Variants in LARP4B observed in about 807,000 individuals in gnomAD.
LARP4B encodes La ribonucleoprotein 4B.
LARP4B carries 12 observed loss-of-function variants against 89.8 expected under a neutral mutation model. The observed-to-expected ratio is 0.13, with a 90% CI of 0.09 to 0.22. LARP4B has a LOEUF of 0.22. Among genes scored for constraint, LARP4B ranks in the 10% least tolerant of loss-of-function variants. The pLI, the probability that LARP4B is intolerant of heterozygous loss-of-function variation, is 1.00. For synonymous variants in LARP4B, 367 were observed against 363.3 expected (o/e 1.01, Z -0.12); for missense variants, 757 against 947.7 (o/e 0.80, Z 2.64).
In LARP4B at chr10:863,851, G is replaced by A. The variant is rs771835392; in HGVS notation, c.322C>T (p.His108Tyr). 29 of 1,613,812 alleles carry A rather than the reference G, an allele frequency of 1.8e-5. No homozygotes were observed. In the South Asian group the frequency reaches 2.7e-4, roughly 15 times the overall value. The change falls in exon 5 of 18, where the codon CAT (histidine) becomes TAT (tyrosine). Residue 108 changes from histidine (H) to tyrosine (Y), a missense_variant. By Grantham distance (83) the His-to-Tyr change is moderately conservative. Transcript: ENST00000316157. ...SDANGDGDQG[H>Y]ENAALPDPQE... ...GGGTCTGGCAATGCGGCATTCTCAT[G>A]GCCCTGGTCACCATCACCATTGGCA...
intron 5 of LARP4B, 108 bp from the exon 6 acceptor site, chr10:845,163 G>GT (rs1306266777): frequency 4.7e-5 from 33 of 707,542 alleles, no homozygotes; most frequent in Non-Finnish European, 6.8e-5. Flanking sequence ...ACACAACTAC[G>GT]TAAGTGTATC....
chr10:829,142 G>A (rs926470321), intron 11 of LARP4B, among the ~76,000 whole-genome samples: 3 of 152,336 alleles, frequency 2.0e-5, no homozygotes, highest in African/African-American at 7.2e-5. Context: ...TCTGCGTCTT[G>A]CTAAGAGCTG....
intron 1 of LARP4B, among the ~76,000 whole-genome samples, chr10:910,009 C>T (rs560562752): frequency 6.6e-5 from 10 of 152,038 alleles, no homozygotes; most frequent in South Asian, 4.2e-4. Context: ...GTATGCAGGC[C>T]CAGAGAGCCG....
chr10:862,118 C>T (rs1433336323), intron 5 of LARP4B, among the ~76,000 whole-genome samples: 1 of 152,006 alleles, frequency 6.6e-6, no homozygotes, highest in Non-Finnish European at 1.5e-5. Flanking sequence ...CTCATGTAGA[C>T]GGGAAATTCA....
At chr10:883,268 T>G (rs920744841) in intron 3 of LARP4B, among the ~76,000 whole-genome samples, 1 of 152,226 alleles carries the variant, frequency 6.6e-6, no homozygotes, top group Admixed American at 6.5e-5. Context: ...TCCCAGCACT[T>G]TGGGAGGCCG....
At position 897,856 on chromosome 10, in the gene LARP4B, T is replaced by A. The variant is rs146850635; in HGVS notation, c.-39-12096A>T. Reference sequence around the variant, plus strand: ...TGCAAAAGTTAGGCAGGCATGGTAGTGGGCGCCTATAATCTCAGTTACTTG... The same window carrying A: ...TGCAAAAGTTAGGCAGGCATGGTAGAGGGCGCCTATAATCTCAGTTACTTG... On this transcript the variant is annotated intron_variant, in intron 1 of 17. Transcript: ENST00000316157. Among the ~76,000 whole-genome samples, 1,155 of 151,852 alleles carry A rather than the reference T, an allele frequency of 7.6e-3. 9 individuals are homozygous for A. Among genetic ancestry groups the A allele is most frequent in the Non-Finnish European group, 0.013 (855 of 67,944 alleles).
chr10:824,806 G>C (rs1489119278), intron 13 of LARP4B, among the ~76,000 whole-genome samples: 2 of 152,240 alleles, frequency 1.3e-5, no homozygotes, highest in Non-Finnish European at 2.9e-5. Flanking sequence ...GCAGGCACAT[G>C]GGATGGAGTC....
downstream of LARP4B, chr10:808,909 A>C (rs1246657897): frequency 6.6e-6 from 1 of 152,244 alleles, no homozygotes; most frequent in East Asian, 1.9e-4. Context: ...TACTATTCTA[A>C]ATAAAGAGTT....
intron 3 of LARP4B, among the ~76,000 whole-genome samples, chr10:880,248 A>T (rs1312536307): frequency 6.6e-6 from 1 of 152,274 alleles, no homozygotes; most frequent in Non-Finnish European, 1.5e-5. Flanking sequence ...TTCAAAATAT[A>T]GGCCTGCAAT....
intron 1 of LARP4B, among the ~76,000 whole-genome samples, chr10:910,268 A>AC: frequency 6.6e-6 from 1 of 152,318 alleles, no homozygotes; most frequent in East Asian, 1.9e-4. Flanking sequence ...GTGTATACTC[A>AC]GAGCAACCTG....
intron 1 of LARP4B, among the ~76,000 whole-genome samples, chr10:893,630 C>CA (rs1220558021): frequency 3.3e-5 from 5 of 152,178 alleles, no homozygotes; most frequent in African/African-American, 1.2e-4. Flanking sequence ...TTGCCTTATT[C>CA]ATCTACGCTT....
At position 829,732 on chromosome 10, in the gene LARP4B, A is replaced by T. The variant is rs1211215865; in HGVS notation, c.864T>A (p.Ala288=). Residue 288 remains alanine (A), a splice_region_variant and synonymous_variant, in exon 10 of 18, where the codon GCT becomes GCA. Transcript: ENST00000316157. ...TGACTTCTTCTCGAAGGTATTTGTA[A>T]GCCTAAGGGCAAAATTAAGTACAAA... ...TFETEADAQQ[A]YKYLREEVKT... The T allele has an allele frequency of 2.6e-5, 42 of 1,611,026 alleles. No homozygotes were observed. Among genetic ancestry groups the T allele is most frequent in the African/African-American group, 4.0e-5 (3 of 74,904 alleles).
intron 1 of LARP4B, among the ~76,000 whole-genome samples, chr10:915,000 C>G (rs1168834078): frequency 6.6e-6 from 1 of 152,144 alleles, no homozygotes; most frequent in Non-Finnish European, 1.5e-5. Context: ...ACAACGTACA[C>G]AAATGCAGGG....
At chr10:835,039 C>CA (rs34825774) in intron 8 of LARP4B, among the ~76,000 whole-genome samples, 22,836 of 93,188 alleles carry the variant, frequency 0.25, 2,017 homozygotes, top group African/African-American at 0.26. Flanking sequence ...GACTCCGTCT[C>CA]AAAAAAAAAA....
At chr10:857,751 A>C (rs913126913) in intron 5 of LARP4B, among the ~76,000 whole-genome samples, 6 of 152,302 alleles carry the variant, frequency 3.9e-5, no homozygotes, top group Admixed American at 3.3e-4. Flanking sequence ...CTCATTCCTG[A>C]CAGTAAATGT....
At chr10:911,029 T>A (rs1043972639) in intron 1 of LARP4B, among the ~76,000 whole-genome samples, 1 of 152,210 alleles carries the variant, frequency 6.6e-6, no homozygotes, top group African/African-American at 2.4e-5. Context: ...AAAATTGGAC[T>A]TTACAATCTG....
intron 4 of LARP4B, 110 bp from the exon 5 acceptor site, chr10:863,993 G>T: frequency 1.3e-6 from 2 of 1,543,140 alleles, no homozygotes; most frequent in South Asian, 1.2e-5. Flanking sequence ...AAAGACCTCT[G>T]GGCTCTCAAG....
At chr10:844,930 A>C in intron 6 of LARP4B, 47 bp downstream of exon 6, 5 of 1,380,466 alleles carry the variant, frequency 3.6e-6, no homozygotes, top group Middle Eastern at 1.8e-4. Context: ...AACTATTTGC[A>C]CAATACTAGA....
chr10:864,393 A>T (rs992977649), intron 3 of LARP4B, 123 bp from the exon 4 acceptor site: 4 of 788,326 alleles, frequency 5.1e-6, no homozygotes, highest in Non-Finnish European at 7.9e-6. Context: ...GTATTTATAC[A>T]CACCTTTGGA....
Sources: gnomAD v4.1 joint callset for allele counts (sites outside exome capture counted in the v4.1 genomes callset) on GRCh38, gnomAD v4.1.1 for gene constraint, MANE v1.5 for transcripts, NCBI Gene and HGNC (gene_info 2026-07-23, HGNC 2026-07-21) for gene names.